Variants in LRRC37A2 observed in about 807,000 individuals in gnomAD.
LRRC37A2 encodes leucine rich repeat containing 37 member A2.
Under a neutral mutation model 68.8 loss-of-function variants are expected in LRRC37A2, and 9 were observed. That is an observed-to-expected ratio of 0.13 (90% CI 0.08 to 0.23). The LOEUF (loss-of-function observed/expected upper bound fraction) is 0.23, where lower values mean the gene tolerates loss of function less well. LRRC37A2 is among the 10% of genes least tolerant of loss of function. The pLI, the probability that LRRC37A2 is intolerant of heterozygous loss-of-function variation, is 1.00. For synonymous variants in LRRC37A2, 63 were observed against 367.6 expected (o/e 0.17, Z 9.48); for missense variants, 168 against 950.4 (o/e 0.18, Z 10.82).
At chr17:46,923,875 T>C in the LRRC37A2 span, 3 of 398,460 alleles carry the variant, frequency 7.5e-6, no homozygotes, top group Admixed American at 4.4e-5. Context: ...AGTTGAGTAT[T>C]AATGGGGCCA....
chr17:46,712,951 A>G, the LRRC37A2 span, among the ~76,000 whole-genome samples: 1 of 152,206 alleles, frequency 6.6e-6, no homozygotes, highest in South Asian at 2.1e-4. Context: ...GTTGGGTTTG[A>G]TGACATGGAG....
chr17:46,830,788 C>G, the LRRC37A2 span: 77 of 398,478 alleles, frequency 1.9e-4, no homozygotes, highest in Middle Eastern at 6.2e-4. Context: ...TTGAATCACA[C>G]ATGGAGAAAG....
the LRRC37A2 span, among the ~76,000 whole-genome samples, chr17:46,766,991 T>A: frequency 6.6e-6 from 1 of 152,284 alleles, no homozygotes; most frequent in South Asian, 2.1e-4. Flanking sequence ...GGTCACACGG[T>A]TGGCAAGTGG....
the LRRC37A2 span, among the ~76,000 whole-genome samples, chr17:46,757,913 G>A: frequency 6.6e-6 from 1 of 151,788 alleles, no homozygotes; most frequent in African/African-American, 2.4e-5. Context: ...AGAATTGCTT[G>A]AACCTGGGAG....
chr17:46,983,906 A>C, the LRRC37A2 span: 2 of 152,302 alleles, frequency 1.3e-5, no homozygotes, highest in Admixed American at 6.5e-5. Context: ...GACCCCTTAC[A>C]CGGCTGTTGG....
At chr17:46,953,196 A>C in the LRRC37A2 span, among the ~76,000 whole-genome samples, 14 of 140,054 alleles carry the variant, frequency 1.0e-4, no homozygotes, top group South Asian at 4.6e-4. Flanking sequence ...ATCCCTCCCC[A>C]CTCCCCCCAC....
the LRRC37A2 span, among the ~76,000 whole-genome samples, chr17:46,863,155 C>T: frequency 6.6e-6 from 1 of 152,192 alleles, no homozygotes; most frequent in Admixed American, 6.5e-5. Flanking sequence ...CCACGCCCTC[C>T]CAAAGCCCGC....
chr17:46,975,907 A>G, the LRRC37A2 span, among the ~76,000 whole-genome samples: 4 of 94,792 alleles, frequency 4.2e-5, no homozygotes, highest in Admixed American at 1.0e-4. Context: ...AAGGAAGGAA[A>G]GAAAATGATA....
chr17:46,821,927 C>CGTCT, the LRRC37A2 span, among the ~76,000 whole-genome samples: 3 of 152,242 alleles, frequency 2.0e-5, no homozygotes, highest in South Asian at 6.2e-4. Flanking sequence ...TGGGGCTACC[C>CGTCT]GTCTGTCGCG....
At chr17:46,792,225 C>T in the LRRC37A2 span, among the ~76,000 whole-genome samples, 1 of 152,228 alleles carries the variant, frequency 6.6e-6, no homozygotes, top group Non-Finnish European at 1.5e-5. Flanking sequence ...AGGCTCAAAT[C>T]ACCATGGGTG....
the LRRC37A2 span, among the ~76,000 whole-genome samples, chr17:46,823,195 TA>T: frequency 7.9e-6 from 1 of 127,340 alleles, no homozygotes; most frequent in African/African-American, 3.3e-5. Flanking sequence ...ATATTATATA[TA>T]TTTATATATA....
the LRRC37A2 span, among the ~76,000 whole-genome samples, chr17:46,738,389 T>A: frequency 6.6e-6 from 1 of 152,216 alleles, no homozygotes; most frequent in Non-Finnish European, 1.5e-5. Flanking sequence ...GACTGAAGCT[T>A]AACCTCTTTA....
chr17:46,876,467 G>T, the LRRC37A2 span: 2 of 1,613,656 alleles, frequency 1.2e-6, no homozygotes, highest in South Asian at 2.2e-5. Context: ...CAAAGGCCTG[G>T]CCCCAAGGTC....
At chr17:46,877,572 A>G in the LRRC37A2 span, among the ~76,000 whole-genome samples, 1 of 152,130 alleles carries the variant, frequency 6.6e-6, no homozygotes, top group Non-Finnish European at 1.5e-5. Flanking sequence ...CCTGCTGGCC[A>G]AAGGAATCTT....
the LRRC37A2 span, among the ~76,000 whole-genome samples, chr17:46,880,751 G>A: frequency 3.3e-5 from 5 of 152,064 alleles, no homozygotes; most frequent in Non-Finnish European, 5.9e-5. Flanking sequence ...GGTATAGGTC[G>A]GGCAGGGATG....
the LRRC37A2 span, chr17:46,749,769 T>G: frequency 1.2e-6 from 2 of 1,612,310 alleles, no homozygotes; most frequent in Non-Finnish European, 1.7e-6. Flanking sequence ...CTCCCTATGA[T>G]CAGGGCCGCA....
chr17:46,774,435 C>T, the LRRC37A2 span, among the ~76,000 whole-genome samples: 292 of 152,266 alleles, frequency 1.9e-3, 1 homozygote, highest in African/African-American at 6.5e-3. Flanking sequence ...CCCAGAGCCT[C>T]CCAGTATCTC....
the LRRC37A2 span, among the ~76,000 whole-genome samples, chr17:47,040,448 G>A: frequency 6.6e-6 from 1 of 151,828 alleles, no homozygotes; most frequent in Non-Finnish European, 1.5e-5. Context: ...TAGCAATTCT[G>A]AAAATCAGAT....
chr17:46,400,366 TAAA>T, the LRRC37A2 span, among the ~76,000 whole-genome samples: 1 of 91,324 alleles, frequency 1.1e-5, no homozygotes, highest in East Asian at 2.7e-4. Context: ...TGCATATTAA[TAAA>T]AAGCTGAATC....
Sources: gnomAD v4.1 joint callset for allele counts (sites outside exome capture counted in the v4.1 genomes callset) on GRCh38, gnomAD v4.1.1 for gene constraint, MANE v1.5 for transcripts, NCBI Gene and HGNC (gene_info 2026-07-23, HGNC 2026-07-21) for gene names.